The following WDR88 variants were observed in gnomAD, a reference collection of about 807,000 sequenced individuals.
WDR88 encodes WD repeat-containing protein 88.
A neutral mutation model predicts 46.8 loss-of-function variants in WDR88; 40 were observed. The ratio of observed to expected loss-of-function variants is 0.86; its 90% CI spans 0.66 to 1.11. The LOEUF (loss-of-function observed/expected upper bound fraction) is 1.11, where lower values mean the gene tolerates loss of function less well. Ranked by LOEUF, WDR88 falls within the 50% of genes most tolerant of loss-of-function variation. The probability of loss-of-function intolerance (pLI) is 0.00; values close to 1 mark genes in which losing one functional copy is unlikely to be tolerated. For synonymous variants in WDR88, 235 were observed against 240.7 expected, an observed-to-expected ratio of 0.98 and a Z score of 0.22; for missense variants, 562 against 602.4, an observed-to-expected ratio of 0.93 and a Z score of 0.70.
At position 33,175,701 on chromosome 19, in the gene WDR88, C is replaced by A; in HGVS notation, c.*129C>A. 2.6e-6 allele frequency: 3 copies of A among 1,150,854 alleles called. No homozygotes were observed. The highest frequency in any genetic ancestry group is 3.7e-6 in the Non-Finnish European group (3 of 810,278). 71.3% of individuals were successfully genotyped at this position (1,150,854 alleles called of 1,614,324 possible). On this transcript the variant is annotated 3_prime_UTR_variant, in exon 11 of 11. Transcript: ENST00000355868. Reference sequence around the variant, plus strand: ...CTGTCAGACTGGGGCAGGACCCAAGCCCTGGCTGGACTCAGCACAGTGCCA... The same window carrying A: ...CTGTCAGACTGGGGCAGGACCCAAGACCTGGCTGGACTCAGCACAGTGCCA...
intron 9 of WDR88, among the ~76,000 whole-genome samples, chr19:33,169,518 T>G (rs568057923): frequency 6.6e-6 from 1 of 152,098 alleles, no homozygotes; most frequent in East Asian, 1.9e-4. Context: ...ATTAGGGAAA[T>G]GCAAATCAAA....
intron 9 of WDR88, among the ~76,000 whole-genome samples, chr19:33,171,534 A>G (rs1010455057): frequency 1.3e-5 from 2 of 152,020 alleles, no homozygotes; most frequent in African/African-American, 2.4e-5. Flanking sequence ...TGCTGCTATA[A>G]TAAGTTACCA....
intron 9 of WDR88, among the ~76,000 whole-genome samples, chr19:33,165,595 AAAATAT>A (rs1727124059): frequency 1.3e-5 from 2 of 152,206 alleles, no homozygotes; most frequent in Admixed American, 6.5e-5. Flanking sequence ...ATGTTTGAGA[AAAATAT>A]AAAAATATTG....
intron 5 of WDR88, among the ~76,000 whole-genome samples, chr19:33,149,381 A>T (rs1015209868): frequency 1.3e-5 from 2 of 152,090 alleles, no homozygotes; most frequent in African/African-American, 4.8e-5. Flanking sequence ...ACCAAAACTG[A>T]TCCTCTTCAG....
intron 9 of WDR88, among the ~76,000 whole-genome samples, chr19:33,168,979 G>T (rs1973996215): frequency 6.6e-6 from 1 of 152,158 alleles, no homozygotes; most frequent in Non-Finnish European, 1.5e-5. Flanking sequence ...AGGGTGCCGA[G>T]ACCATTCAAT....
intron 10 of WDR88, chr19:33,174,115 G>T: frequency 2.0e-6 from 3 of 1,516,098 alleles, no homozygotes; most frequent in Non-Finnish European, 2.7e-6. Context: ...GCCTCCCAAA[G>T]TGCTGGGACT....
chr19:33,142,458 T>C (rs1973416491), intron 2 of WDR88, among the ~76,000 whole-genome samples: 1 of 151,606 alleles, frequency 6.6e-6, no homozygotes. Flanking sequence ...TCCTGGGACA[T>C]GGAGAAGGAC....
chr19:33,150,106 G>A (rs760618648), intron 5 of WDR88, among the ~76,000 whole-genome samples: 7 of 152,184 alleles, frequency 4.6e-5, no homozygotes, highest in African/African-American at 7.2e-5. Flanking sequence ...CTCCATGGGA[G>A]TTTACAATTA....
intron 6 of WDR88, 61 bp from the exon 7 acceptor site, chr19:33,156,294 A>C: frequency 1.3e-6 from 2 of 1,537,712 alleles, no homozygotes; most frequent in South Asian, 1.2e-5. Context: ...GGCTTTAGGT[A>C]TGTCTTCAGG....
chr19:33,143,644 CA>C (rs11330443), intron 2 of WDR88, among the ~76,000 whole-genome samples: 56,583 of 116,880 alleles, frequency 0.48, 11,082 homozygotes, highest in South Asian at 0.67. Flanking sequence ...GACCCTCTCT[CA>C]AAAAAAAAAA....
intron 1 of WDR88, among the ~76,000 whole-genome samples, chr19:33,133,701 AG>A (rs1973187485): frequency 6.6e-6 from 1 of 152,196 alleles, no homozygotes; most frequent in Non-Finnish European, 1.5e-5. Flanking sequence ...GTGGCCTTCC[AG>A]GCCATTTCAA....
At chr19:33,157,683 G>GTGTATA (rs1973780388) in intron 7 of WDR88, among the ~76,000 whole-genome samples, 1 of 6,448 alleles carries the variant, frequency 1.6e-4, no homozygotes, top group Non-Finnish European at 3.7e-4. Flanking sequence ...GTGTGTGTAT[G>GTGTATA]TATGTATATA....
At chr19:33,132,572 C>A in intron 1 of WDR88, 127 bp downstream of exon 1, 1 of 1,359,478 alleles carries the variant, frequency 7.4e-7, no homozygotes, top group Non-Finnish European at 9.9e-7. Flanking sequence ...AGGCCCTAGG[C>A]CCATTTCCCC....
intron 1 of WDR88, among the ~76,000 whole-genome samples, chr19:33,137,043 G>T (rs1001036671): frequency 6.6e-6 from 1 of 151,570 alleles, no homozygotes; most frequent in Non-Finnish European, 1.5e-5. Flanking sequence ...TAGTCCTCCC[G>T]CCTCAGCCTC....
In WDR88 at chr19:33,156,579, G is replaced by A. The variant is rs185450025; in HGVS notation, c.997+37G>A. 1.9e-6 allele frequency: 3 copies of A among 1,590,224 alleles called. No homozygotes were observed. In the African/African-American group the frequency reaches 4.0e-5, roughly 21 times the overall value. On this transcript the variant is annotated intron_variant, in intron 7 of 10. Coordinates refer to ENST00000355868, the MANE Select transcript of WDR88 (RefSeq NM_173479.4). ...ACATGCAGAAGGCCTCCATTCCTGT[G>A]GGAGTGCTGGGCAGAGTTCTCCATG...
chr19:33,154,595 C>T (rs181298913), intron 6 of WDR88, among the ~76,000 whole-genome samples: 10 of 152,240 alleles, frequency 6.6e-5, no homozygotes, highest in South Asian at 2.1e-4. Context: ...TTTCTTTATC[C>T]GGTCTATCAT....
intron 3 of WDR88, among the ~76,000 whole-genome samples, chr19:33,146,043 A>T (rs12977459): frequency 6.6e-6 from 1 of 151,912 alleles, no homozygotes; most frequent in Non-Finnish European, 1.5e-5. Context: ...GGAGAGGAAA[A>T]CAGCTGGGAG....
chr19:33,166,804 C>T (rs1051297979), intron 9 of WDR88, among the ~76,000 whole-genome samples: 3 of 148,280 alleles, frequency 2.0e-5, no homozygotes, highest in African/African-American at 7.5e-5. Context: ...TCCAGCTACT[C>T]ACTCAGGAGG....
intron 8 of WDR88, among the ~76,000 whole-genome samples, chr19:33,163,623 G>T (rs1309582193): frequency 6.6e-6 from 1 of 151,338 alleles, no homozygotes; most frequent in Non-Finnish European, 1.5e-5. Flanking sequence ...GAAGTACAAT[G>T]AGCTGCTCTG....
Sources: gnomAD v4.1 joint callset for allele counts (sites outside exome capture counted in the v4.1 genomes callset) on GRCh38, gnomAD v4.1.1 for gene constraint, MANE v1.5 for transcripts, NCBI Gene and HGNC (gene_info 2026-07-23, HGNC 2026-07-21) for gene names.